Variants in PLPP1 observed in about 807,000 individuals in gnomAD.
PLPP1 encodes lipid phosphate phosphohydrolase 1a.
A neutral mutation model predicts 31.2 loss-of-function variants in PLPP1; 24 were observed. The observed-to-expected ratio is 0.77, with a 90% CI of 0.56 to 1.08. The LOEUF (loss-of-function observed/expected upper bound fraction) is 1.08. PLPP1 is among the 50% of genes least tolerant of loss of function. PLPP1 has a pLI of 0.00. For missense variants in PLPP1, 319 were observed against 342.7 expected (o/e 0.93, Z 0.55); for synonymous variants, 146 against 126.3 (o/e 1.16, Z -1.05).
intron 1 of PLPP1, among the ~76,000 whole-genome samples, chr5:55,492,192 T>A (rs930505339): frequency 6.6e-6 from 1 of 152,186 alleles, no homozygotes; most frequent in African/African-American, 2.4e-5. Flanking sequence ...TGCGCAATAC[T>A]AAGCCATACT....
intron 1 of PLPP1, among the ~76,000 whole-genome samples, chr5:55,507,859 T>G (rs144306505): frequency 3.0e-4 from 1 of 3,280 alleles, no homozygotes; most frequent in Non-Finnish European, 1.3e-3. Context: ...CACTGAAAAC[T>G]TTTTTTTTTT....
At chr5:55,533,861 C>T (rs1740772667) in intron 1 of PLPP1, among the ~76,000 whole-genome samples, 1 of 152,198 alleles carries the variant, frequency 6.6e-6, no homozygotes, top group African/African-American at 2.4e-5. Flanking sequence ...CATAACTGAA[C>T]TCTTCCAATC....
chr5:55,533,364 CAGAG>C (rs926882080), intron 1 of PLPP1, among the ~76,000 whole-genome samples: 2 of 138,676 alleles, frequency 1.4e-5, no homozygotes, highest in Admixed American at 1.5e-4. Flanking sequence ...GCCTGGGTGA[CAGAG>C]AGAGACTGTA....
In PLPP1 at chr5:55,530,716, C is replaced by T. The variant is rs1215488045; in HGVS notation, c.58+3856G>A. On this transcript the variant is annotated intron_variant, in intron 1 of 5. Coordinates refer to ENST00000307259, the MANE Select transcript of PLPP1 (RefSeq NM_003711.4). ...CATGCTCTCTCTTCTAGTCACATTT[C>T]CACGACACAGGGGACAATGTGCTCC... 18 of 1,574,882 alleles carry T rather than the reference C, an allele frequency of 1.1e-5. 1 individual carries two copies. The African/African-American group carries it at 2.4e-4, about 21-fold the overall frequency.
At chr5:55,493,070 T>G (rs1167398809) in intron 1 of PLPP1, among the ~76,000 whole-genome samples, 1 of 152,132 alleles carries the variant, frequency 6.6e-6, no homozygotes, top group East Asian at 1.9e-4. Context: ...CCCAACACGT[T>G]GAAAGGCTGA....
intron 1 of PLPP1, among the ~76,000 whole-genome samples, chr5:55,512,828 T>C (rs1200577333): frequency 1.3e-5 from 2 of 152,212 alleles, no homozygotes; most frequent in Non-Finnish European, 2.9e-5. Context: ...CAGATGTATG[T>C]ACAAGAACAT....
chr5:55,501,034 G>T (rs1031071302), intron 1 of PLPP1, among the ~76,000 whole-genome samples: 5 of 152,138 alleles, frequency 3.3e-5, no homozygotes, highest in Non-Finnish European at 5.9e-5. Flanking sequence ...CACAAAGCAG[G>T]CCAGGCATGG....
chr5:55,477,481 C>T (rs1475645895), intron 1 of PLPP1, among the ~76,000 whole-genome samples: 1 of 151,244 alleles, frequency 6.6e-6, no homozygotes, highest in Non-Finnish European at 1.5e-5. Context: ...GCACACTCCA[C>T]TTCCAGGACT....
chr5:55,480,642 A>G (rs1307685038), intron 1 of PLPP1, among the ~76,000 whole-genome samples: 1 of 152,186 alleles, frequency 6.6e-6, no homozygotes. Flanking sequence ...TTATTAATGA[A>G]TAGTATTCAG....
At chr5:55,524,041 G>A (rs1032856397) in intron 1 of PLPP1, among the ~76,000 whole-genome samples, 1 of 152,120 alleles carries the variant, frequency 6.6e-6, no homozygotes, top group African/African-American at 2.4e-5. Context: ...AGCAAATAAT[G>A]TCTGCTTAAT....
intron 4 of PLPP1, among the ~76,000 whole-genome samples, chr5:55,433,350 G>A (rs1483933927): frequency 6.9e-6 from 1 of 145,564 alleles, no homozygotes; most frequent in Non-Finnish European, 1.5e-5. Context: ...AAGAAATAAA[G>A]GCATCCAAGT....
intron 3 of PLPP1, among the ~76,000 whole-genome samples, chr5:55,449,542 A>C (rs1751849938): frequency 6.6e-6 from 1 of 152,148 alleles, no homozygotes; most frequent in Admixed American, 6.5e-5. Flanking sequence ...CCCTACCTAC[A>C]AACTCATGCC....
intron 3 of PLPP1, among the ~76,000 whole-genome samples, chr5:55,455,117 C>G (rs140841639): frequency 0.015 from 2,348 of 152,088 alleles, 80 homozygotes; most frequent in African/African-American, 0.054. Context: ...ATAATCCAAA[C>G]AAAAATAATT....
intron 1 of PLPP1, among the ~76,000 whole-genome samples, chr5:55,526,792 C>T (rs1323398940): frequency 1.3e-5 from 2 of 151,860 alleles, no homozygotes; most frequent in African/African-American, 4.8e-5. Flanking sequence ...ATTAGCTGGG[C>T]GTGGTGGCGC....
chr5:55,529,383 T>A (rs1302217291), intron 1 of PLPP1, among the ~76,000 whole-genome samples: 1 of 152,096 alleles, frequency 6.6e-6, no homozygotes, highest in African/African-American at 2.4e-5. Context: ...AAGTTTCTAA[T>A]AAGAGTTTCA....
intron 1 of PLPP1, among the ~76,000 whole-genome samples, chr5:55,491,342 C>T (rs751275447): frequency 3.9e-5 from 6 of 152,010 alleles, no homozygotes; most frequent in Non-Finnish European, 4.4e-5. Flanking sequence ...CATTGACCTC[C>T]GATTTTAGAA....
chr5:55,470,167 C>T (rs1752387859), intron 2 of PLPP1, among the ~76,000 whole-genome samples: 1 of 152,210 alleles, frequency 6.6e-6, no homozygotes, highest in African/African-American at 2.4e-5. Context: ...CTTTCCATTT[C>T]AGTACACATT....
At chr5:55,533,370 G>C (rs1465930931) in intron 1 of PLPP1, among the ~76,000 whole-genome samples, 1 of 147,068 alleles carries the variant, frequency 6.8e-6, no homozygotes, top group Non-Finnish European at 1.5e-5. Context: ...GTGACAGAGA[G>C]AGACTGTATC....
At chr5:55,440,346 C>G (rs951661948) in intron 4 of PLPP1, among the ~76,000 whole-genome samples, 4 of 152,188 alleles carry the variant, frequency 2.6e-5, no homozygotes, top group Non-Finnish European at 5.9e-5. Flanking sequence ...AGGATAGTAA[C>G]GGCTCTAGCT....
Sources: allele counts gnomAD v4.1 joint callset (sites outside exome capture counted in the v4.1 genomes callset), GRCh38; gene constraint gnomAD v4.1.1; transcripts MANE v1.5; gene names NCBI Gene and HGNC (gene_info 2026-07-23, HGNC 2026-07-21).